Variants in PTPRK observed in about 807,000 individuals in gnomAD.
The protein encoded by PTPRK is protein tyrosine phosphatase receptor type K, also known as receptor-type tyrosine-protein phosphatase kappa.
A neutral mutation model predicts 178.0 loss-of-function variants in PTPRK; 75 were observed. The ratio of observed to expected loss-of-function variants is 0.42; its 90% CI spans 0.35 to 0.51. PTPRK has a LOEUF of 0.51. Ranked by LOEUF, PTPRK falls within the 20% of genes least tolerant of loss-of-function variation. The pLI, the probability that PTPRK is intolerant of heterozygous loss-of-function variation, is 0.02. For synonymous variants in PTPRK, 637 were observed against 620.6 expected, an observed-to-expected ratio of 1.03 and a Z score of -0.39; for missense variants, 1,441 against 1,797.8, an observed-to-expected ratio of 0.80 and a Z score of 3.59.
At chr6:128,053,149 AACACACACACACACAC>A (rs61106638) in intron 13 of PTPRK, among the ~76,000 whole-genome samples, 7 of 144,940 alleles carry the variant, frequency 4.8e-5, no homozygotes, top group African/African-American at 1.5e-4. Flanking sequence ...ATGTGTATGG[AACACACACACACACAC>A]ACACACACAC....
intron 1 of PTPRK, among the ~76,000 whole-genome samples, chr6:128,513,035 C>A (rs1285176763): frequency 6.6e-6 from 1 of 152,064 alleles, no homozygotes; most frequent in Non-Finnish European, 1.5e-5. Flanking sequence ...TATTCTTATA[C>A]AAAATATTCA....
chr6:128,079,314 T>C (rs771822750), intron 10 of PTPRK, among the ~76,000 whole-genome samples: 2 of 151,922 alleles, frequency 1.3e-5, no homozygotes, highest in Non-Finnish European at 2.9e-5. Flanking sequence ...CAGCAAGAGC[T>C]GAGGTCAAGG....
At chr6:128,272,691 T>C (rs1820047386) in intron 3 of PTPRK, among the ~76,000 whole-genome samples, 2 of 152,088 alleles carry the variant, frequency 1.3e-5, no homozygotes, top group Non-Finnish European at 2.9e-5. Flanking sequence ...ATGGCGATCA[T>C]TAAAAAGTCA....
intron 6 of PTPRK, among the ~76,000 whole-genome samples, chr6:128,209,161 C>T (rs1283344934): frequency 3.3e-5 from 5 of 152,080 alleles, no homozygotes; most frequent in Middle Eastern, 6.8e-3. Flanking sequence ...CCTAAAAACG[C>T]GCCATTTTCC....
intron 16 of PTPRK, among the ~76,000 whole-genome samples, chr6:127,998,336 C>T (rs943512090): frequency 3.9e-5 from 6 of 151,914 alleles, no homozygotes; most frequent in Non-Finnish European, 7.4e-5. Flanking sequence ...AAAAAAGGGG[C>T]AGAGAAGTAC....
intron 2 of PTPRK, among the ~76,000 whole-genome samples, chr6:128,328,669 T>G (rs1203089790): frequency 6.6e-6 from 1 of 152,156 alleles, no homozygotes; most frequent in African/African-American, 2.4e-5. Context: ...GACCCCTTTA[T>G]ACTTGTGATA....
intron 1 of PTPRK, among the ~76,000 whole-genome samples, chr6:128,486,253 T>C (rs1852858490): frequency 6.6e-6 from 1 of 152,150 alleles, no homozygotes; most frequent in South Asian, 2.1e-4. Flanking sequence ...ATTATTAATG[T>C]ATTACTTAAT....
chr6:128,286,254 A>G (rs1393659444), intron 3 of PTPRK, among the ~76,000 whole-genome samples: 2 of 152,108 alleles, frequency 1.3e-5, no homozygotes, highest in Non-Finnish European at 2.9e-5. Context: ...GTGCTCTTCG[A>G]ACTGTGCGTT....
At chr6:128,334,047 A>C (rs886285293) in intron 2 of PTPRK, among the ~76,000 whole-genome samples, 7 of 152,202 alleles carry the variant, frequency 4.6e-5, no homozygotes, top group South Asian at 2.1e-4. Context: ...TAGGTGGAAC[A>C]GTCAGAATAC....
intron 3 of PTPRK, among the ~76,000 whole-genome samples, chr6:128,292,980 G>A (rs1823651021): frequency 6.6e-6 from 1 of 151,892 alleles, no homozygotes; most frequent in African/African-American, 2.4e-5. Flanking sequence ...TAGTGAAATG[G>A]TTTGGGGTTC....
At position 128,520,541 on chromosome 6, in the gene PTPRK, C is replaced by T; in HGVS notation, c.-183G>A. 1 of 581,814 alleles carries T rather than the reference C, an allele frequency of 1.7e-6. No homozygotes were observed. The highest frequency in any genetic ancestry group is 3.1e-6 in the Non-Finnish European group (1 of 323,918). The allele number at this position is 581,814 out of a possible 1,614,324, so 36.0% of individuals were successfully genotyped here. ...ACCTCAGGGGCGAAAGCGTCGCCAG[C>T]GTCGCCGGCCGGCCGCGGCGGCAGC... On this transcript the variant is annotated 5_prime_UTR_variant, in exon 1 of 30. Coordinates refer to ENST00000368226, the MANE Select transcript of PTPRK (RefSeq NM_002844.4).
chr6:128,276,080 A>C (rs1327521831), intron 3 of PTPRK, among the ~76,000 whole-genome samples: 2 of 151,884 alleles, frequency 1.3e-5, no homozygotes, highest in African/African-American at 2.4e-5. Context: ...ATTAAATATT[A>C]AGTGATTCAC....
chr6:127,999,462 G>A (rs1268478374), intron 15 of PTPRK, among the ~76,000 whole-genome samples: 1 of 152,002 alleles, frequency 6.6e-6, no homozygotes, highest in Non-Finnish European at 1.5e-5. Flanking sequence ...ATGCCACTCT[G>A]TCTGCTAGCC....
intron 1 of PTPRK, among the ~76,000 whole-genome samples, chr6:128,433,875 T>C (rs543440450): frequency 6.7e-6 from 1 of 150,074 alleles, no homozygotes; most frequent in Admixed American, 6.7e-5. Flanking sequence ...TACTTACAGA[T>C]ACTAAGAAGA....
At chr6:127,999,770 G>A (rs559004431) in intron 15 of PTPRK, among the ~76,000 whole-genome samples, 4 of 152,052 alleles carry the variant, frequency 2.6e-5, no homozygotes, top group Admixed American at 6.6e-5. Flanking sequence ...TGAACACCCA[G>A]TACAGAGACA....
rs146817473 is a variant in PTPRK at position 128,088,984 on chromosome 6, C to T, written c.1465+706G>A. 7.9e-3 allele frequency among the ~76,000 whole-genome samples: 1,200 copies of T among 152,092 alleles called. 40 individuals are homozygous for T. The highest frequency in any genetic ancestry group is 0.024 in the East Asian group (123 of 5,166). On this transcript the variant is annotated intron_variant, in intron 8 of 29. Transcript: ENST00000368226. ...GTGTTGTTTCCTTTTTTCCTTGAGACGGAGTTTTGCTCTTGTTGCCCAGGC... is the reference window on the plus strand; with the variant it reads ...GTGTTGTTTCCTTTTTTCCTTGAGATGGAGTTTTGCTCTTGTTGCCCAGGC...
intron 5 of PTPRK, among the ~76,000 whole-genome samples, chr6:128,225,913 T>A (rs924246653): frequency 1.3e-5 from 2 of 152,224 alleles, no homozygotes; most frequent in African/African-American, 4.8e-5. Context: ...AATTCTGAAA[T>A]AAAGCAGGGT....
intron 7 of PTPRK, among the ~76,000 whole-genome samples, chr6:128,101,661 G>GTAAAA (rs1788806446): frequency 6.6e-6 from 1 of 152,006 alleles, no homozygotes; most frequent in Admixed American, 6.5e-5. Flanking sequence ...AGATTTCCTA[G>GTAAAA]GATGAACAAA....
At chr6:128,124,521 A>G (rs748563338) in intron 7 of PTPRK, among the ~76,000 whole-genome samples, 3 of 152,108 alleles carry the variant, frequency 2.0e-5, no homozygotes, top group Non-Finnish European at 4.4e-5. Context: ...CAGTCAATCC[A>G]CTACACCACA....
Sources: gnomAD v4.1 joint callset for allele counts (sites outside exome capture counted in the v4.1 genomes callset) on GRCh38, gnomAD v4.1.1 for gene constraint, MANE v1.5 for transcripts, NCBI Gene and HGNC (gene_info 2026-07-23, HGNC 2026-07-21) for gene names.